UNC13C: variants seen among roughly 807,000 people sequenced by gnomAD.
UNC13C encodes protein unc-13 homolog C.
In UNC13C, 174 loss-of-function variants were observed where a neutral mutation model predicts 245.4. That is an observed-to-expected ratio of 0.71 (90% CI 0.63 to 0.80). UNC13C has a LOEUF of 0.80. Ranked by LOEUF, UNC13C falls within the 30% of genes least tolerant of loss-of-function variation. The pLI, the probability that UNC13C is intolerant of heterozygous loss-of-function variation, is 0.00. For synonymous variants in UNC13C, 992 were observed against 895.1 expected (o/e 1.11, Z -1.93); for missense variants, 2,829 against 2,602.9 (o/e 1.09, Z -1.89).
intron 30 of UNC13C, among the ~76,000 whole-genome samples, chr15:54,619,447 A>G (rs917625909): frequency 4.6e-5 from 7 of 152,300 alleles, no homozygotes; most frequent in Non-Finnish European, 8.8e-5. Context: ...CCAGGTTTGT[A>G]AAATAATCAC....
intron 14 of UNC13C, among the ~76,000 whole-genome samples, chr15:54,330,563 A>G (rs16974514): frequency 0.064 from 9,797 of 152,058 alleles, 923 homozygotes; most frequent in African/African-American, 0.21. Flanking sequence ...TCACAGAGAT[A>G]AGATAAGGCA....
intron 17 of UNC13C, among the ~76,000 whole-genome samples, chr15:54,346,589 A>G (rs2038864492): frequency 6.6e-6 from 1 of 152,260 alleles, no homozygotes; most frequent in Admixed American, 6.5e-5. Context: ...ATATAAAAAT[A>G]AAATGCTTAG....
chr15:54,446,478 G>C (rs1265126466), intron 19 of UNC13C, among the ~76,000 whole-genome samples: 2 of 152,082 alleles, frequency 1.3e-5, no homozygotes, highest in African/African-American at 4.8e-5. Flanking sequence ...GTTGAACATT[G>C]GTTTCTAGTT....
chr15:54,035,887 C>T (rs967381992), intron 2 of UNC13C, among the ~76,000 whole-genome samples: 2 of 151,788 alleles, frequency 1.3e-5, no homozygotes, highest in Non-Finnish European at 2.9e-5. Flanking sequence ...TACGTGCAGC[C>T]GTTGGATGCC....
intron 4 of UNC13C, among the ~76,000 whole-genome samples, chr15:54,216,199 A>G (rs2035034340): frequency 2.0e-5 from 3 of 151,940 alleles, no homozygotes; most frequent in South Asian, 2.1e-4. Context: ...AGCCCCGATT[A>G]TGTCTAGCTT....
At chr15:53,919,896 A>G in the UNC13C span, among the ~76,000 whole-genome samples, 1 of 152,188 alleles carries the variant, frequency 6.6e-6, no homozygotes, top group Admixed American at 6.5e-5. Flanking sequence ...TACAAGTAAT[A>G]TCACAACAAA....
intron 13 of UNC13C, among the ~76,000 whole-genome samples, chr15:54,305,290 A>G (rs1567174485): frequency 2.0e-5 from 3 of 152,246 alleles, no homozygotes; most frequent in Non-Finnish European, 1.5e-5. Flanking sequence ...ATAGGGGTCT[A>G]TGTCACCATT....
At chr15:53,865,375 G>C in the UNC13C span, among the ~76,000 whole-genome samples, 2 of 152,168 alleles carry the variant, frequency 1.3e-5, no homozygotes, top group Admixed American at 6.5e-5. Context: ...GGTGTCAGCA[G>C]GTTTGGTTTT....
At chr15:54,313,719 TA>T (rs2037933800) in intron 13 of UNC13C, among the ~76,000 whole-genome samples, 1 of 151,598 alleles carries the variant, frequency 6.6e-6, no homozygotes, top group Non-Finnish European at 1.5e-5. Context: ...TATCAAAGCA[TA>T]AACCAAACAC....
intron 30 of UNC13C, among the ~76,000 whole-genome samples, chr15:54,590,346 G>T (rs894577671): frequency 6.6e-6 from 1 of 152,104 alleles, no homozygotes; most frequent in Admixed American, 6.5e-5. Flanking sequence ...ATTTTCATGG[G>T]AATTGCATTG....
intron 2 of UNC13C, among the ~76,000 whole-genome samples, chr15:54,073,228 T>C (rs143042573): frequency 4.6e-5 from 7 of 152,334 alleles, no homozygotes; most frequent in African/African-American, 1.7e-4. Context: ...TTTTTATGTC[T>C]GCATAGTATT....
chr15:54,400,938 G>A lies in UNC13C; in HGVS notation c.4847+7757G>A, dbSNP rs149888371. The stretch of plus-strand genomic sequence containing the variant: ...ATGGAATACTATGCAGCCATAAAAA[G>A]TGATGAGTTCATGTCCTTTGTAGGG... On this transcript the variant is annotated intron_variant, in intron 18 of 32. Coordinates refer to ENST00000260323, the MANE Select transcript of UNC13C (RefSeq NM_001080534.3). Among the ~76,000 whole-genome samples the A allele has an allele frequency of 4.6e-3, 695 of 152,150 alleles. 34 individuals are homozygous for A. The East Asian group carries it at 0.1, about 22-fold the overall frequency.
At chr15:54,420,914 T>A (rs1467528445) in intron 19 of UNC13C, among the ~76,000 whole-genome samples, 1 of 152,098 alleles carries the variant, frequency 6.6e-6, no homozygotes, top group Non-Finnish European at 1.5e-5. Context: ...TTCATTGATC[T>A]ACTGTGCTCT....
intron 26 of UNC13C, among the ~76,000 whole-genome samples, chr15:54,539,852 C>G (rs1299043722): frequency 6.6e-6 from 1 of 151,964 alleles, no homozygotes; most frequent in African/African-American, 2.4e-5. Flanking sequence ...ATTTTCAGTA[C>G]ATTTTGATTC....
intron 4 of UNC13C, among the ~76,000 whole-genome samples, chr15:54,147,220 CTTTT>C (rs5812743): frequency 1.5e-5 from 2 of 130,572 alleles, no homozygotes; most frequent in African/African-American, 2.7e-5. Context: ...ATGAAACTAC[CTTTT>C]TTTTTTTTTT....
the UNC13C span, among the ~76,000 whole-genome samples, chr15:53,900,308 AT>A: frequency 6.6e-6 from 1 of 152,226 alleles, no homozygotes; most frequent in East Asian, 1.9e-4. Context: ...CATACGAGTT[AT>A]AAAAATTGGA....
intron 7 of UNC13C, among the ~76,000 whole-genome samples, chr15:54,242,949 A>C (rs75296037): frequency 0.025 from 3,827 of 152,204 alleles, 154 homozygotes; most frequent in African/African-American, 0.088. Flanking sequence ...CCTTTGTTTT[A>C]TAAAATCCGA....
At chr15:54,296,087 G>C (rs942681301) in intron 11 of UNC13C, among the ~76,000 whole-genome samples, 25 of 152,174 alleles carry the variant, frequency 1.6e-4, no homozygotes, top group African/African-American at 6.0e-4. Flanking sequence ...GATGATGACA[G>C]TTAAAAATCA....
At chr15:53,924,965 C>G in the UNC13C span, among the ~76,000 whole-genome samples, 1 of 152,128 alleles carries the variant, frequency 6.6e-6, no homozygotes, top group Non-Finnish European at 1.5e-5. Context: ...AACTAAGATT[C>G]TCAAGGTGAG....
Sources: gnomAD v4.1 joint callset for allele counts (sites outside exome capture counted in the v4.1 genomes callset) on GRCh38, gnomAD v4.1.1 for gene constraint, MANE v1.5 for transcripts, NCBI Gene and HGNC (gene_info 2026-07-23, HGNC 2026-07-21) for gene names.